The following GRID2 variants were observed in gnomAD, a reference collection of about 807,000 sequenced individuals.
GRID2 encodes glutamate ionotropic receptor delta type subunit 2.
A neutral mutation model predicts 114.8 loss-of-function variants in GRID2; 33 were observed. That is an observed-to-expected ratio of 0.29 (90% CI 0.22 to 0.38). The LOEUF is 0.38. Ranked by LOEUF, GRID2 falls within the 10% of genes least tolerant of loss-of-function variation. The pLI, the probability that GRID2 is intolerant of heterozygous loss-of-function variation, is 1.00. For synonymous variants in GRID2, 505 were observed against 449.9 expected (o/e 1.12, Z -1.55); for missense variants, 1,184 against 1,257.7 (o/e 0.94, Z 0.89).
rs185372572 is a variant in GRID2, at chr4:92,698,495, G to A, written c.244+108209G>A. Among the ~76,000 whole-genome samples the A allele has an allele frequency of 2.0e-5, 3 of 151,780 alleles. 1 individual carries two copies. The highest frequency in any genetic ancestry group is 2.0e-4 in the Admixed American group (3 of 15,214). On this transcript the variant is annotated intron_variant, in intron 2 of 15. Coordinates refer to ENST00000282020, the MANE Select transcript of GRID2 (RefSeq NM_001510.4). Reference sequence around the variant, plus strand: ...TAATAAAAATAGTAAATAAACTACTGGATTATAATATAGCTGGAGGGTCAT... The same window carrying A: ...TAATAAAAATAGTAAATAAACTACTAGATTATAATATAGCTGGAGGGTCAT...
intron 14 of GRID2, among the ~76,000 whole-genome samples, chr4:93,730,992 G>A (rs1228444773): frequency 3.3e-5 from 5 of 152,212 alleles, no homozygotes; most frequent in South Asian, 2.1e-4. Flanking sequence ...CAGTTTCCCC[G>A]TGACACCTGC....
intron 13 of GRID2, among the ~76,000 whole-genome samples, chr4:93,576,198 T>G (rs1427424497): frequency 2.0e-5 from 3 of 152,178 alleles, no homozygotes; most frequent in Non-Finnish European, 4.4e-5. Context: ...TATGCTACCC[T>G]TTAGAATTTA....
In GRID2 at chr4:93,550,939, G is replaced by A. The variant is rs73839585; in HGVS notation, c.2193+35528G>A. On this transcript the variant is annotated intron_variant, in intron 13 of 15. Coordinates refer to ENST00000282020, the MANE Select transcript of GRID2 (RefSeq NM_001510.4). ...CTACAGTGAGGCACTATAGAATAAC[G>A]GTTAAGGATTCAGTCTTCAGAGCCA... is the stretch of plus-strand genomic sequence containing the variant. Among the ~76,000 whole-genome samples, 488 of 152,214 alleles carry A rather than the reference G, an allele frequency of 3.2e-3. 2 individuals carry two copies. The highest frequency in any genetic ancestry group is 8.5e-3 in the Admixed American group (130 of 15,284).
intron 12 of GRID2, among the ~76,000 whole-genome samples, chr4:93,502,326 G>T (rs1388676373): frequency 6.6e-6 from 1 of 151,968 alleles, no homozygotes; most frequent in Non-Finnish European, 1.5e-5. Flanking sequence ...TCCACAGTTT[G>T]AATGATGTTA....
At chr4:92,697,498 A>C (rs1252130215) in intron 2 of GRID2, among the ~76,000 whole-genome samples, 1 of 152,160 alleles carries the variant, frequency 6.6e-6, no homozygotes, top group Non-Finnish European at 1.5e-5. Context: ...TTTACCCTTT[A>C]GGGGCCAGGG....
At chr4:93,224,465 G>A in intron 6 of GRID2, 149 bp from the exon 7 acceptor site, 1 of 551,596 alleles carries the variant, frequency 1.8e-6, no homozygotes. Context: ...AAATTGCCCA[G>A]GAAATGACAA....
rs532244127 is a variant in GRID2 at position 92,553,387 on chromosome 4, T to C, written c.89-36744T>C. 3.9e-4 allele frequency among the ~76,000 whole-genome samples: 60 copies of C among 152,308 alleles called. 1 individual carries two copies. The highest frequency in any genetic ancestry group is 1.4e-3 in the African/African-American group (58 of 41,572). ...ATGGTTTAATGTGTTGAACAGAATA[T>C]ACCATGAGCAAAAGCTTGTTGATTT... On this transcript the variant is annotated intron_variant, in intron 1 of 15. Coordinates refer to ENST00000282020, the MANE Select transcript of GRID2 (RefSeq NM_001510.4).
chr4:92,424,171 C>G (rs1485323321), intron 1 of GRID2, among the ~76,000 whole-genome samples: 2 of 151,994 alleles, frequency 1.3e-5, no homozygotes, highest in Non-Finnish European at 2.9e-5. Flanking sequence ...TGTCTTGATC[C>G]AAGATAAACT....
chr4:93,769,186 C>T (rs749304506), intron 14 of GRID2, 24 bp from the exon 15 acceptor site: 1 of 1,611,638 alleles, frequency 6.2e-7, no homozygotes. Context: ...TGTAATAACA[C>T]ATGCTTATGT....
chr4:92,583,480 CT>C (rs1403144018), intron 1 of GRID2, among the ~76,000 whole-genome samples: 1 of 151,760 alleles, frequency 6.6e-6, no homozygotes, highest in African/African-American at 2.4e-5. Flanking sequence ...AAAAATATAC[CT>C]CATGATAAAA....
At chr4:93,715,092 T>G (rs1338976877) in intron 14 of GRID2, among the ~76,000 whole-genome samples, 1 of 152,216 alleles carries the variant, frequency 6.6e-6, no homozygotes, top group East Asian at 1.9e-4. Context: ...TAATCCATCT[T>G]GAGTTGATTT....
chr4:93,516,950 G>A (rs1469740179), intron 13 of GRID2, among the ~76,000 whole-genome samples: 1 of 152,016 alleles, frequency 6.6e-6, no homozygotes, highest in Non-Finnish European at 1.5e-5. Flanking sequence ...TATTATTGCA[G>A]AGAAATTTCA....
At chr4:93,189,804 CACA>C (rs1740802808) in intron 4 of GRID2, among the ~76,000 whole-genome samples, 1 of 149,382 alleles carries the variant, frequency 6.7e-6, no homozygotes, top group African/African-American at 2.5e-5. Flanking sequence ...CACACACACA[CACA>C]CACACACAAA....
At chr4:92,416,884 A>G (rs1269189147) in intron 1 of GRID2, among the ~76,000 whole-genome samples, 2 of 151,864 alleles carry the variant, frequency 1.3e-5, no homozygotes, top group Admixed American at 6.6e-5. Flanking sequence ...TTAGCTATGC[A>G]TGGTATTTTT....
intron 8 of GRID2, among the ~76,000 whole-genome samples, chr4:93,290,808 T>C (rs1032788269): frequency 5.9e-5 from 9 of 151,904 alleles, no homozygotes; most frequent in African/African-American, 1.9e-4. Context: ...CTGAATACTC[T>C]GAACACAGGG....
At chr4:92,602,041 C>G (rs182430336) in intron 2 of GRID2, among the ~76,000 whole-genome samples, 2 of 151,496 alleles carry the variant, frequency 1.3e-5, no homozygotes, top group Non-Finnish European at 2.9e-5. Context: ...AGGAAAAAAA[C>G]CCCAGGGCCA....
Position 93,323,170 on chromosome 4 carries a change from A to G in GRID2, c.1246-72437A>G, listed in dbSNP as rs867354074. Among the ~76,000 whole-genome samples, 7 of 152,186 alleles carry G rather than the reference A, an allele frequency of 4.6e-5. No individual in the cohort carries two copies. The Middle Eastern group carries it at 0.01, about 222-fold the overall frequency. On this transcript the variant is annotated intron_variant, in intron 8 of 15. Transcript: ENST00000282020. ...GCCTAGGTTTTCTTCTAGGGTTTTT[A>G]TGGTTTTAGGTCTAACATTTAAGTC...
intron 2 of GRID2, among the ~76,000 whole-genome samples, chr4:92,684,279 AG>A (rs1185643795): frequency 1.3e-5 from 2 of 152,004 alleles, no homozygotes; most frequent in Non-Finnish European, 2.9e-5. Flanking sequence ...TTGGTTACAC[AG>A]GGGGCCAGTG....
chr4:92,383,474 A>G (rs1030567806), intron 1 of GRID2, among the ~76,000 whole-genome samples: 1 of 152,032 alleles, frequency 6.6e-6, no homozygotes, highest in Non-Finnish European at 1.5e-5. Flanking sequence ...TCCTAACGTA[A>G]GAAACATGCC....
Sources: allele counts gnomAD v4.1 joint callset (sites outside exome capture counted in the v4.1 genomes callset), GRCh38; gene constraint gnomAD v4.1.1; transcripts MANE v1.5; gene names NCBI Gene and HGNC (gene_info 2026-07-23, HGNC 2026-07-21).